EYS: variants seen among roughly 807,000 people sequenced by gnomAD.
EYS encodes EGF-like photoreceptor maintenance factor, also known as protein eyes shut homolog.
A neutral mutation model predicts 282.1 loss-of-function variants in EYS; 250 were observed. The observed-to-expected ratio is 0.89, with a 90% CI of 0.80 to 0.98. The LOEUF (loss-of-function observed/expected upper bound fraction) is 0.98. Among genes scored for constraint, EYS ranks in the 50% least tolerant of loss-of-function variants. EYS has a pLI of 0.00. For missense variants in EYS, 4,016 were observed against 3,709.0 expected (o/e 1.08, Z -2.15); for synonymous variants, 1,355 against 1,282.9 (o/e 1.06, Z -1.20).
intron 29 of EYS, among the ~76,000 whole-genome samples, chr6:64,309,765 G>T (rs1219243716): frequency 2.6e-5 from 4 of 151,964 alleles, no homozygotes; most frequent in Non-Finnish European, 5.9e-5. Context: ...AAGAGATCAA[G>T]ACCATCCTGG....
At chr6:64,996,708 T>TG (rs1771275738) in intron 14 of EYS, among the ~76,000 whole-genome samples, 1 of 152,200 alleles carries the variant, frequency 6.6e-6, no homozygotes, top group Non-Finnish European at 1.5e-5. Flanking sequence ...GCAGTCCTTG[T>TG]GGGAAAAAAC....
chr6:65,041,455 G>C (rs1772931992), intron 13 of EYS, among the ~76,000 whole-genome samples: 1 of 151,646 alleles, frequency 6.6e-6, no homozygotes, highest in Non-Finnish European at 1.5e-5. Context: ...TAAAAACCAT[G>C]CACCCTTGAT....
At chr6:64,471,429 G>A (rs1423171830) in intron 26 of EYS, among the ~76,000 whole-genome samples, 2 of 152,190 alleles carry the variant, frequency 1.3e-5, no homozygotes, top group East Asian at 3.9e-4. Flanking sequence ...AAAATCAATA[G>A]TGTTTCTATA....
At chr6:65,092,024 T>C (rs1774589191) in intron 12 of EYS, among the ~76,000 whole-genome samples, 1 of 152,156 alleles carries the variant, frequency 6.6e-6, no homozygotes, top group African/African-American at 2.4e-5. Flanking sequence ...ATATAACTTT[T>C]AATATTGAAA....
Position 65,022,102 on chromosome 6 carries a change from A to G in EYS, c.2138-24399T>C, listed in dbSNP as rs1355410794. On this transcript the variant is annotated intron_variant, in intron 13 of 42. Coordinates refer to ENST00000503581, the MANE Select transcript of EYS (RefSeq NM_001142800.2). The stretch of plus-strand genomic sequence containing the variant: ...TAATAATTTAACATATATTTCTTCA[A>G]TTTCTATAATGGTGTGTTTTAGCTG... 2.6e-5 allele frequency among the ~76,000 whole-genome samples: 4 copies of G among 152,274 alleles called. No homozygotes were observed. In the East Asian group the frequency reaches 7.7e-4, roughly 29 times the overall value.
chr6:64,674,806 T>G (rs924213994), intron 22 of EYS, among the ~76,000 whole-genome samples: 4 of 151,230 alleles, frequency 2.6e-5, no homozygotes, highest in Non-Finnish European at 4.4e-5. Context: ...ATACATATAC[T>G]TACACATACA....
At chr6:64,320,720 C>A (rs1770185615) in intron 29 of EYS, among the ~76,000 whole-genome samples, 1 of 151,684 alleles carries the variant, frequency 6.6e-6, no homozygotes, top group African/African-American at 2.4e-5. Flanking sequence ...CAGTTTCCCA[C>A]AAATTTTTTC....
At position 65,484,191 on chromosome 6, in the gene EYS, G is replaced by C. The variant is rs377760432; in HGVS notation, c.862+6403C>G. 2.2e-4 allele frequency among the ~76,000 whole-genome samples: 33 copies of C among 151,444 alleles called. No individual in the cohort carries two copies. The East Asian group carries it at 4.7e-3, about 21-fold the overall frequency. The stretch of plus-strand genomic sequence containing the variant: ...AAACCTTTATAGGGTAATCATTCTA[G>C]TTTGCTCAAGATAGCACCAGTTTAT... On this transcript the variant is annotated intron_variant, in intron 5 of 42. Coordinates refer to ENST00000503581, the MANE Select transcript of EYS (RefSeq NM_001142800.2).
At position 64,494,144 on chromosome 6, in the gene EYS, A is replaced by G. The variant is rs886279295; in HGVS notation, c.5645-54792T>C. 5.9e-5 allele frequency among the ~76,000 whole-genome samples: 9 copies of G among 151,590 alleles called. No homozygotes were observed. The East Asian group carries it at 1.7e-3, about 29-fold the overall frequency. ...GTAAAATTCAACTTCTGAACTGAAT[A>G]TATTTCTGTCCATGCTATCCTCATT... On this transcript the variant is annotated intron_variant, in intron 26 of 42. Coordinates refer to ENST00000503581, the MANE Select transcript of EYS (RefSeq NM_001142800.2).
chr6:64,978,859 A>G (rs6455021), intron 14 of EYS, among the ~76,000 whole-genome samples: 40,666 of 151,746 alleles, frequency 0.27, 6,854 homozygotes, highest in African/African-American at 0.47. Flanking sequence ...GAGCTTGAAC[A>G]TGTGACTGGA....
intron 31 of EYS, among the ~76,000 whole-genome samples, chr6:64,200,770 T>C (rs972682411): frequency 6.6e-6 from 1 of 152,054 alleles, no homozygotes; most frequent in Non-Finnish European, 1.5e-5. Flanking sequence ...TTAGTATTGA[T>C]AATTTGTATT....
intron 12 of EYS, among the ~76,000 whole-genome samples, chr6:65,257,903 T>C (rs1767513460): frequency 6.6e-6 from 1 of 151,944 alleles, no homozygotes; most frequent in Admixed American, 6.6e-5. Context: ...AAAATATAGT[T>C]AAAATGAAAA....
chr6:64,704,482 T>TTATAATTATAA (rs1045606106), intron 22 of EYS, among the ~76,000 whole-genome samples: 3 of 17,470 alleles, frequency 1.7e-4, no homozygotes, highest in South Asian at 2.9e-3. Context: ...TATAATTATA[T>TTATAATTATAA]TATAATTATA....
intron 22 of EYS, among the ~76,000 whole-genome samples, chr6:64,707,963 G>A (rs1304861902): frequency 6.6e-6 from 1 of 151,952 alleles, no homozygotes; most frequent in African/African-American, 2.4e-5. Context: ...TCACAGTGAG[G>A]ATTTGCATGG....
intron 22 of EYS, among the ~76,000 whole-genome samples, chr6:64,738,806 G>A (rs924326884): frequency 9.9e-5 from 15 of 152,146 alleles, no homozygotes; most frequent in African/African-American, 3.4e-4. Context: ...TGCCTAGGAT[G>A]GAGTGCAATG....
chr6:65,353,756 TTATTTCTTC>T, intron 8 of EYS, 139 bp from the exon 9 acceptor site: 1 of 656,498 alleles, frequency 1.5e-6, no homozygotes, highest in Non-Finnish European at 2.7e-6. Context: ...ATACTTCTCT[TTATTTCTTC>T]TATTTCTTTA....
intron 22 of EYS, among the ~76,000 whole-genome samples, chr6:64,739,914 C>A (rs973713350): frequency 4.6e-5 from 7 of 151,966 alleles, no homozygotes; most frequent in African/African-American, 1.7e-4. Context: ...TGTTTTTAAA[C>A]TCTTATTTTA....
chr6:65,471,264 T>A (rs1384559352), intron 5 of EYS, among the ~76,000 whole-genome samples: 1 of 150,892 alleles, frequency 6.6e-6, no homozygotes, highest in Non-Finnish European at 1.5e-5. Flanking sequence ...TCAGATTTGT[T>A]AGGGTGCCTG....
intron 35 of EYS, among the ~76,000 whole-genome samples, chr6:63,915,583 A>T (rs1202387890): frequency 3.9e-5 from 6 of 152,248 alleles, no homozygotes; most frequent in Non-Finnish European, 7.3e-5. Context: ...ATAAATAGTG[A>T]TTCCTCTGAT....
Sources: allele counts gnomAD v4.1 joint callset (sites outside exome capture counted in the v4.1 genomes callset), GRCh38; gene constraint gnomAD v4.1.1; transcripts MANE v1.5; gene names NCBI Gene and HGNC (gene_info 2026-07-23, HGNC 2026-07-21).